Variants in GABRB2 observed in about 807,000 individuals in gnomAD.
GABRB2 encodes gamma-aminobutyric acid receptor subunit beta-2.
GABRB2 carries 16 observed loss-of-function variants against 54.7 expected under a neutral mutation model. The ratio of observed to expected loss-of-function variants is 0.29; its 90% CI spans 0.20 to 0.44. GABRB2 has a LOEUF of 0.44. Ranked by LOEUF, GABRB2 falls within the 20% of genes least tolerant of loss-of-function variation. GABRB2 has a pLI of 1.00. For synonymous variants in GABRB2, 244 were observed against 233.8 expected (o/e 1.04, Z -0.40); for missense variants, 355 against 644.0 (o/e 0.55, Z 4.86).
intron 4 of GABRB2, among the ~76,000 whole-genome samples, chr5:161,434,938 T>C (rs772634148): frequency 6.6e-6 from 1 of 152,198 alleles, no homozygotes; most frequent in Non-Finnish European, 1.5e-5. Context: ...CGACTCTGGT[T>C]TGATGAACAA....
chr5:161,345,139 C>A (rs529798090), intron 5 of GABRB2, among the ~76,000 whole-genome samples: 62 of 152,050 alleles, frequency 4.1e-4, no homozygotes, highest in Admixed American at 3.8e-3. Flanking sequence ...ACGTGTATAC[C>A]TATCTAACAA....
chr5:161,334,616 A>C, intron 7 of GABRB2, 136 bp downstream of exon 7: 1 of 782,848 alleles, frequency 1.3e-6, no homozygotes, highest in South Asian at 1.9e-5. Context: ...CCAAAGTCTC[A>C]TAGCGAAACT....
At chr5:161,412,064 A>C (rs1756529597) in intron 4 of GABRB2, among the ~76,000 whole-genome samples, 2 of 152,180 alleles carry the variant, frequency 1.3e-5, no homozygotes. Flanking sequence ...GGGGCACTAT[A>C]CTATGTGTTG....
chr5:161,461,653 T>C lies in GABRB2; in HGVS notation c.238-1809A>G, dbSNP rs139064356. On this transcript the variant is annotated intron_variant, in intron 3 of 9. Coordinates refer to ENST00000393959, the MANE Select transcript of GABRB2 (RefSeq NM_001371727.1). ...GCTCTCTCACCCTCATCTGAATGACTAAGTGAAGGTCCAAATATTCATTTG... is the reference window on the plus strand; with the variant it reads ...GCTCTCTCACCCTCATCTGAATGACCAAGTGAAGGTCCAAATATTCATTTG... 1.2e-3 allele frequency among the ~76,000 whole-genome samples: 188 copies of C among 152,310 alleles called. 3 individuals carry two copies. The East Asian group carries it at 0.021, about 17-fold the overall frequency.
chr5:161,297,970 C>A (rs570631669), intron 9 of GABRB2, among the ~76,000 whole-genome samples: 1 of 152,142 alleles, frequency 6.6e-6, no homozygotes, highest in Admixed American at 6.5e-5. Flanking sequence ...TTAATGATTG[C>A]CATTCTAACT....
chr5:161,378,549 A>G (rs910166933), intron 5 of GABRB2, among the ~76,000 whole-genome samples: 6 of 152,238 alleles, frequency 3.9e-5, no homozygotes, highest in African/African-American at 1.4e-4. Flanking sequence ...ACATGTTTTT[A>G]TCAACTGGTC....
intron 3 of GABRB2, among the ~76,000 whole-genome samples, chr5:161,473,462 A>T (rs1758503205): frequency 6.6e-6 from 1 of 152,054 alleles, no homozygotes; most frequent in African/African-American, 2.4e-5. Context: ...AAATACAAGA[A>T]CAAACTTCCT....
chr5:161,456,834 T>C (rs1197243431), intron 4 of GABRB2, among the ~76,000 whole-genome samples: 1 of 152,166 alleles, frequency 6.6e-6, no homozygotes, highest in Non-Finnish European at 1.5e-5. Context: ...TCTCACTACA[T>C]TGTCAGCAAT....
intron 5 of GABRB2, among the ~76,000 whole-genome samples, chr5:161,371,509 C>T (rs1580926038): frequency 6.6e-6 from 1 of 152,264 alleles, no homozygotes; most frequent in African/African-American, 2.4e-5. Context: ...TGGGATGATA[C>T]AGCATAGCAC....
Position 161,326,404 on chromosome 5 carries a change from A to G in GABRB2, c.1155T>C (p.Thr385=), listed in dbSNP as rs1273490114. 6.2e-6 allele frequency: 10 copies of G among 1,613,674 alleles called. No individual in the cohort carries two copies. Among genetic ancestry groups the G allele is most frequent in the Non-Finnish European group, 6.8e-6 (8 of 1,179,654 alleles). ...LWDPTGNLSP[T]RRTTNYDFSL... Reference sequence around the variant, plus strand: ...AGAAATCGTAATTGGTAGTCCGTCTAGTTGGGGAGAGGTTTCCAGTAGGGT... The same window carrying G: ...AGAAATCGTAATTGGTAGTCCGTCTGGTTGGGGAGAGGTTTCCAGTAGGGT... The change falls in exon 9 of 10, where the codon ACT becomes ACC. Residue 385 remains threonine, a synonymous_variant. Transcript: ENST00000393959.
At chr5:161,307,682 G>A (rs1362882187) in intron 9 of GABRB2, among the ~76,000 whole-genome samples, 1 of 151,948 alleles carries the variant, frequency 6.6e-6, no homozygotes, top group African/African-American at 2.4e-5. Context: ...ATTCTTTTTG[G>A]TGAGATAAGA....
rs778847152 is a variant in GABRB2 at position 161,294,371 on chromosome 5, T to C, written c.1249A>G (p.Thr417Ala). ...STLEIKNEMA[T>A]SEAVMGLGDP... is the part of the protein sequence containing the mutation. ...CCAAGTCCCATCACAGCCTCAGATG[T>C]GGCCATTTCATTTTTTATCTCGAGA... The change falls in exon 10 of 10, where the codon ACA becomes GCA. Residue 417 changes from threonine (T) to alanine (A), a missense_variant. Thr to Ala is a moderately conservative substitution (Grantham distance 58, BLOSUM62 0). Coordinates refer to ENST00000393959, the MANE Select transcript of GABRB2 (RefSeq NM_001371727.1). The C allele has an allele frequency of 5.0e-6, 8 of 1,613,964 alleles. No homozygotes were observed. Among genetic ancestry groups the C allele is most frequent in the Non-Finnish European group, 5.9e-6 (7 of 1,179,986 alleles).
chr5:161,334,746 G>C lies in GABRB2; in HGVS notation c.832+6C>G. The C allele has an allele frequency of 1.2e-6, 2 of 1,613,116 alleles. No homozygotes were observed. Among genetic ancestry groups the C allele is most frequent in the Non-Finnish European group, 1.7e-6 (2 of 1,179,544 alleles). ...AAAATCCACAAGCAGTAATAAAATG[G>C]CCTACCTAATGCCACCCTTGCAGCT... On this transcript the variant is annotated splice_donor_region_variant and intron_variant, in intron 7 of 9. Coordinates refer to ENST00000393959, the MANE Select transcript of GABRB2 (RefSeq NM_001371727.1).
At chr5:161,411,468 G>C (rs531449353) in intron 4 of GABRB2, among the ~76,000 whole-genome samples, 1 of 152,106 alleles carries the variant, frequency 6.6e-6, no homozygotes, top group African/African-American at 2.4e-5. Flanking sequence ...TCAGAAACAT[G>C]TAATCTATCA....
chr5:161,482,054 G>C (rs1208563708), intron 3 of GABRB2, among the ~76,000 whole-genome samples: 5 of 151,934 alleles, frequency 3.3e-5, no homozygotes, highest in Admixed American at 3.3e-4. Flanking sequence ...AGGCTGGCTG[G>C]GGACAGACCC....
At chr5:161,419,460 A>G (rs1187195800) in intron 4 of GABRB2, among the ~76,000 whole-genome samples, 1 of 152,214 alleles carries the variant, frequency 6.6e-6, no homozygotes, top group Admixed American at 6.5e-5. Flanking sequence ...ACTACTGGGT[A>G]TCTAACCAAA....
At chr5:161,361,671 T>C (rs1173267442) in intron 5 of GABRB2, among the ~76,000 whole-genome samples, 1 of 152,160 alleles carries the variant, frequency 6.6e-6, no homozygotes, top group Non-Finnish European at 1.5e-5. Context: ...TAAATTCAGG[T>C]CCATGGCTTG....
chr5:161,395,729 TA>T (rs1271156086), intron 5 of GABRB2, among the ~76,000 whole-genome samples: 1 of 152,070 alleles, frequency 6.6e-6, no homozygotes, highest in South Asian at 2.1e-4. Flanking sequence ...GAAGAGTGAG[TA>T]AAAAAATCCT....
intron 3 of GABRB2, among the ~76,000 whole-genome samples, chr5:161,460,699 A>C (rs138760503): frequency 2.0e-5 from 3 of 152,298 alleles, no homozygotes; most frequent in Admixed American, 2.0e-4. Context: ...ATTTGACAGG[A>C]ACCATTGAGG....
Sources: allele counts gnomAD v4.1 joint callset (sites outside exome capture counted in the v4.1 genomes callset), GRCh38; gene constraint gnomAD v4.1.1; transcripts MANE v1.5; gene names NCBI Gene and HGNC (gene_info 2026-07-23, HGNC 2026-07-21).